The following LYPLA1 variants were observed in gnomAD, a reference collection of about 807,000 sequenced individuals.
LYPLA1 encodes lysophospholipase 1.
Under a neutral mutation model 34.0 loss-of-function variants are expected in LYPLA1, and 17 were observed. That is an observed-to-expected ratio of 0.50 (90% CI 0.34 to 0.75). The LOEUF (loss-of-function observed/expected upper bound fraction) is 0.75, where lower values mean the gene tolerates loss of function less well. Among genes scored for constraint, LYPLA1 ranks in the 30% least tolerant of loss-of-function variants. LYPLA1 has a pLI of 0.01. For synonymous variants in LYPLA1, 98 were observed against 100.8 expected, an observed-to-expected ratio of 0.97 and a Z score of 0.17; for missense variants, 203 against 288.8, an observed-to-expected ratio of 0.70 and a Z score of 2.15.
At chr8:54,085,770 G>A (rs1302031121) in intron 2 of LYPLA1, among the ~76,000 whole-genome samples, 5 of 15,364 alleles carry the variant, frequency 3.3e-4, no homozygotes, top group Non-Finnish European at 5.4e-4. Flanking sequence ...AGGTGGGGGG[G>A]CAGCCCCCAC....
intron 4 of LYPLA1, 52 bp downstream of exon 4, chr8:54,063,276 A>C (rs1177582552): frequency 4.5e-5 from 52 of 1,145,280 alleles, no homozygotes; most frequent in Non-Finnish European, 1.5e-5. Context: ...ATTTCTGATA[A>C]CATTAAATAA....
intron 5 of LYPLA1, among the ~76,000 whole-genome samples, chr8:54,059,115 G>A (rs1200614938): frequency 6.6e-6 from 1 of 152,104 alleles, no homozygotes; most frequent in East Asian, 1.9e-4. Context: ...TCTTCACAGG[G>A]CCCAGGCCCT....
chr8:54,101,046 A>G, intron 1 of LYPLA1, 107 bp from the exon 2 acceptor site: 1 of 950,790 alleles, frequency 1.1e-6, no homozygotes. Context: ...CCTACGAGAG[A>G]ATTACACAAC....
At chr8:54,056,424 A>G (rs1364533254) in intron 5 of LYPLA1, among the ~76,000 whole-genome samples, 1 of 152,220 alleles carries the variant, frequency 6.6e-6, no homozygotes, top group African/African-American at 2.4e-5. Flanking sequence ...CATATCAACC[A>G]AAGCAAAAAT....
chr8:54,083,471 A>G (rs945525136), intron 2 of LYPLA1, among the ~76,000 whole-genome samples: 10 of 152,198 alleles, frequency 6.6e-5, no homozygotes, highest in African/African-American at 1.9e-4. Flanking sequence ...ATTTATCATG[A>G]TGTAAAACAT....
intron 2 of LYPLA1, 117 bp from the exon 3 acceptor site, chr8:54,065,930 GT>G (rs376668037): frequency 1.3e-4 from 90 of 683,824 alleles, no homozygotes; most frequent in Middle Eastern, 2.5e-4. Flanking sequence ...TAAAAATATG[GT>G]TTTTTTTTGT....
chr8:54,055,972 C>G (rs1403725403), intron 5 of LYPLA1, among the ~76,000 whole-genome samples: 3 of 152,092 alleles, frequency 2.0e-5, no homozygotes, highest in Non-Finnish European at 4.4e-5. Context: ...ACGAAAGACT[C>G]AGAGTAGCCA....
At chr8:54,070,989 T>C (rs930518185) in intron 2 of LYPLA1, among the ~76,000 whole-genome samples, 34 of 152,060 alleles carry the variant, frequency 2.2e-4, no homozygotes, top group African/African-American at 8.2e-4. Flanking sequence ...TTTAAATGAG[T>C]GAATTGTGTG....
chr8:54,070,502 T>C (rs1807381362), intron 2 of LYPLA1, among the ~76,000 whole-genome samples: 1 of 152,158 alleles, frequency 6.6e-6, no homozygotes, highest in Non-Finnish European at 1.5e-5. Context: ...GGCTGGCAGA[T>C]CACCTGAGGT....
chr8:54,065,869 T>A, intron 2 of LYPLA1, 56 bp from the exon 3 acceptor site: 1 of 1,124,758 alleles, frequency 8.9e-7, no homozygotes, highest in Admixed American at 1.7e-5. Context: ...TCCCAGTAAG[T>A]AAGTAGCAGA....
rs143397264 is a variant in LYPLA1, at chr8:54,050,213, T to G, written c.639+799A>C. On this transcript the variant is annotated intron_variant, in intron 8 of 8. Transcript: ENST00000316963. ...GCACATTGATCTCAATACATTAAAC[T>G]CAGTATTATCTCCTTCCTTTACTCT... Among the ~76,000 whole-genome samples the G allele has an allele frequency of 2.1e-3, 318 of 152,360 alleles. 1 individual carries two copies. Among genetic ancestry groups the G allele is most frequent in the African/African-American group, 7.2e-3 (301 of 41,600 alleles).
In LYPLA1 at chr8:54,052,575, T is replaced by A. The variant is rs546018715; in HGVS notation, c.462+80A>T. 7.0e-6 allele frequency: 6 copies of A among 862,366 alleles called. No homozygotes were observed. The East Asian group carries it at 7.8e-5, about 11-fold the overall frequency. The allele number at this position is 862,366 out of a possible 1,614,324, so 53.4% of individuals were successfully genotyped here. ...AATAAAGTTTATTAATAAAAAAAAATAAGATGACTTTATCTCCAACAATAT... is the reference window on the plus strand; with the variant it reads ...AATAAAGTTTATTAATAAAAAAAAAAAAGATGACTTTATCTCCAACAATAT... On this transcript the variant is annotated intron_variant, in intron 7 of 8. Coordinates refer to ENST00000316963, the MANE Select transcript of LYPLA1 (RefSeq NM_006330.4).
In LYPLA1 at chr8:54,084,141, AAT is replaced by A. The variant is rs760476706; in HGVS notation, c.101+16765_101+16766del. ...AGACCAAAGAAAAAAAAAATAAATA[AAT>A]ATATATATATATATATATATAAAAT... is the stretch of plus-strand genomic sequence containing the variant. On this transcript the variant is annotated intron_variant, in intron 2 of 8. Transcript: ENST00000316963. 8.1e-4 allele frequency among the ~76,000 whole-genome samples: 96 copies of A among 118,568 alleles called. 2 individuals are homozygous for A. Among genetic ancestry groups the A allele is most frequent in the African/African-American group, 1.2e-3 (27 of 21,654 alleles). The allele number at this position is 118,568 out of a possible 152,430, so 77.8% of individuals were successfully genotyped here.
rs865882501 is a variant in LYPLA1 at position 54,101,905 on chromosome 8, G to T, written c.-82C>A. ...CAAGGGCGTGCGAGCGGCGAGTCCC[G>T]GCCGGCCCCACCGGGCGCACGCTCA... On this transcript the variant is annotated 5_prime_UTR_variant, in exon 1 of 9. Transcript: ENST00000316963. 2.3e-6 allele frequency: 2 copies of T among 854,772 alleles called. No individual in the cohort carries two copies. 52.9% of individuals were successfully genotyped at this position (854,772 alleles called of 1,614,324 possible). A position where few individuals can be genotyped will look rare whatever the true frequency, so the allele number is the denominator to read the frequency against.
intron 5 of LYPLA1, among the ~76,000 whole-genome samples, chr8:54,058,361 T>C (rs1158527259): frequency 3.3e-5 from 5 of 152,134 alleles, no homozygotes; most frequent in Admixed American, 6.6e-5. Context: ...CTGGCCAACA[T>C]GGTGAAACAC....
At chr8:54,048,461 T>C (rs960032048) in intron 8 of LYPLA1, among the ~76,000 whole-genome samples, 1 of 152,106 alleles carries the variant, frequency 6.6e-6, no homozygotes, top group Non-Finnish European at 1.5e-5. Context: ...TAAGTATGAG[T>C]GACAAAGCAG....
At chr8:54,062,447 A>G (rs924466378) in intron 4 of LYPLA1, 123 bp from the exon 5 acceptor site, 4 of 307,956 alleles carry the variant, frequency 1.3e-5, no homozygotes, top group Non-Finnish European at 1.6e-5. Context: ...ATTTTATTTA[A>G]TTTATCTATT....
intron 3 of LYPLA1, among the ~76,000 whole-genome samples, chr8:54,065,365 G>A (rs1026523379): frequency 1.3e-5 from 2 of 152,010 alleles, no homozygotes; most frequent in African/African-American, 2.4e-5. Flanking sequence ...GGCTGAGGCA[G>A]GAGAATCGCT....
intron 2 of LYPLA1, among the ~76,000 whole-genome samples, chr8:54,090,026 T>A (rs1014804060): frequency 6.6e-6 from 1 of 152,232 alleles, no homozygotes; most frequent in African/African-American, 2.4e-5. Flanking sequence ...TGCTTCCCCC[T>A]GCAAAGAGCC....
Sources: allele counts gnomAD v4.1 joint callset (sites outside exome capture counted in the v4.1 genomes callset), GRCh38; gene constraint gnomAD v4.1.1; transcripts MANE v1.5; gene names NCBI Gene and HGNC (gene_info 2026-07-23, HGNC 2026-07-21).